PDE4D: variants seen among roughly 807,000 people sequenced by gnomAD.
PDE4D encodes phosphodiesterase 4D, also known as 3',5'-cyclic-AMP phosphodiesterase 4D.
In PDE4D, 24 loss-of-function variants were observed where a neutral mutation model predicts 87.4. The ratio of observed to expected loss-of-function variants is 0.27; its 90% CI spans 0.20 to 0.39. The LOEUF is 0.39. Ranked by LOEUF, PDE4D falls within the 10% of genes least tolerant of loss-of-function variation. The pLI, the probability that PDE4D is intolerant of heterozygous loss-of-function variation, is 1.00. For synonymous variants in PDE4D, 384 were observed against 383.2 expected (o/e 1.00, Z -0.02); for missense variants, 714 against 1,041.0 (o/e 0.69, Z 4.32).
chr5:59,737,998 TA>T (rs1758316247), intron 1 of PDE4D, among the ~76,000 whole-genome samples: 1 of 152,170 alleles, frequency 6.6e-6, no homozygotes, highest in African/African-American at 2.4e-5. Flanking sequence ...TATCAGTTCG[TA>T]TTATACATTA....
At chr5:59,494,837 A>G (rs2153661825) in intron 1 of PDE4D, among the ~76,000 whole-genome samples, 1 of 152,322 alleles carries the variant, frequency 6.6e-6, no homozygotes, top group East Asian at 1.9e-4. Flanking sequence ...GGTGCGGACT[A>G]CAAGCTGAGC....
chr5:59,133,539 A>G (rs1361658627), intron 5 of PDE4D, among the ~76,000 whole-genome samples: 1 of 152,130 alleles, frequency 6.6e-6, no homozygotes, highest in African/African-American at 2.4e-5. Context: ...AATTTAATAA[A>G]TCTCTTGTCT....
chr5:59,707,335 T>C (rs1044907295), intron 1 of PDE4D, among the ~76,000 whole-genome samples: 2 of 152,066 alleles, frequency 1.3e-5, no homozygotes, highest in African/African-American at 4.8e-5. Context: ...CTGAGGGGAA[T>C]AAAAAATGAG....
intron 1 of PDE4D, among the ~76,000 whole-genome samples, chr5:60,288,523 C>T (rs1752616234): frequency 6.6e-6 from 1 of 152,180 alleles, no homozygotes; most frequent in Admixed American, 6.5e-5. Flanking sequence ...GCTTTTAGCT[C>T]ACTGCTGGGC....
intron 1 of PDE4D, among the ~76,000 whole-genome samples, chr5:59,644,083 G>C (rs1742056582): frequency 6.6e-6 from 1 of 152,200 alleles, no homozygotes; most frequent in African/African-American, 2.4e-5. Flanking sequence ...TATTCTTCCA[G>C]TAGGACATTT....
chr5:60,384,667 T>C (rs1178466344), intron 1 of PDE4D, among the ~76,000 whole-genome samples: 3 of 152,120 alleles, frequency 2.0e-5, no homozygotes, highest in Admixed American at 6.5e-5. Flanking sequence ...TAAAGGTTGG[T>C]ACTCCCAGAA....
chr5:60,447,045 T>C (rs1320487134), intron 1 of PDE4D, among the ~76,000 whole-genome samples: 1 of 152,120 alleles, frequency 6.6e-6, no homozygotes, highest in Non-Finnish European at 1.5e-5. Context: ...CTGATGGCAA[T>C]GTGGTGATTG....
intron 1 of PDE4D, among the ~76,000 whole-genome samples, chr5:59,714,239 C>T (rs298100): frequency 0.67 from 101,299 of 152,136 alleles, 34,703 homozygotes; most frequent in East Asian, 0.83. Flanking sequence ...ATGAAGTACT[C>T]TTAACTTTGT....
At chr5:59,646,011 C>T (rs1179525460) in intron 1 of PDE4D, among the ~76,000 whole-genome samples, 1 of 151,980 alleles carries the variant, frequency 6.6e-6, no homozygotes, top group Non-Finnish European at 1.5e-5. Context: ...GAATAAGCAA[C>T]CAAAACTACA....
rs532869371 is a variant in PDE4D, at chr5:60,018,002, G to A, written c.43-29285C>T. On this transcript the variant is annotated intron_variant, in intron 2 of 16. Transcript: ENST00000502484. ...ATAATCGCAATTCTGACCGGCATGA[G>A]ATGGTATCTCATTGTGGTTTTGATT... Among the ~76,000 whole-genome samples, 11 of 152,228 alleles carry A rather than the reference G, an allele frequency of 7.2e-5. No individual in the cohort carries two copies. The South Asian group carries it at 2.3e-3, about 32-fold the overall frequency.
chr5:60,149,354 G>A lies in PDE4D; in HGVS notation c.42+36203C>T, dbSNP rs542771692. 4.5e-4 allele frequency among the ~76,000 whole-genome samples: 68 copies of A among 152,242 alleles called. No homozygotes were observed. The Middle Eastern group carries it at 0.014, about 30-fold the overall frequency. On this transcript the variant is annotated intron_variant, in intron 2 of 16. Coordinates refer to the PDE4D transcript ENST00000502484. ...AGAGAGAGCTTGCTTTTATGCCAAA[G>A]CCACTCTTGCAATAGCTAACCCACT... is the stretch of plus-strand genomic sequence containing the variant.
intron 1 of PDE4D, among the ~76,000 whole-genome samples, chr5:60,481,414 T>C (rs913583531): frequency 3.9e-5 from 6 of 152,002 alleles, no homozygotes; most frequent in African/African-American, 1.4e-4. Flanking sequence ...AAGTTCAGAG[T>C]GGAGAAAAAT....
chr5:60,414,362 A>T (rs1742306116), intron 1 of PDE4D, among the ~76,000 whole-genome samples: 1 of 152,234 alleles, frequency 6.6e-6, no homozygotes, highest in African/African-American at 2.4e-5. Flanking sequence ...AACTCTATTA[A>T]GATTTTTTAT....
At chr5:60,156,405 G>C (rs1476164650) in intron 2 of PDE4D, among the ~76,000 whole-genome samples, 1 of 152,098 alleles carries the variant, frequency 6.6e-6, no homozygotes, top group Non-Finnish European at 1.5e-5. Flanking sequence ...CCTAGAGTGA[G>C]CTTTCCTCCA....
At chr5:60,450,941 T>C (rs759401142) in intron 1 of PDE4D, among the ~76,000 whole-genome samples, 1 of 152,166 alleles carries the variant, frequency 6.6e-6, no homozygotes, top group Non-Finnish European at 1.5e-5. Flanking sequence ...CGCCTACATA[T>C]AAATGACAAA....
intron 1 of PDE4D, among the ~76,000 whole-genome samples, chr5:59,813,045 T>C (rs1768545737): frequency 6.6e-6 from 1 of 151,560 alleles, no homozygotes; most frequent in Non-Finnish European, 1.5e-5. Flanking sequence ...TGCTGTAATA[T>C]TTTTTCTCAT....
At chr5:60,314,059 C>A (rs1464230322) in intron 1 of PDE4D, among the ~76,000 whole-genome samples, 1 of 152,126 alleles carries the variant, frequency 6.6e-6, no homozygotes, top group Non-Finnish European at 1.5e-5. Flanking sequence ...CACTACTACT[C>A]TATTCAACAC....
intron 1 of PDE4D, among the ~76,000 whole-genome samples, chr5:60,235,371 T>C (rs142076059): frequency 5.1e-4 from 77 of 152,052 alleles, no homozygotes; most frequent in African/African-American, 1.8e-3. Context: ...ATATCTTCTA[T>C]AGTATAATGA....
chr5:59,048,313 G>A (rs1024198139), intron 5 of PDE4D, among the ~76,000 whole-genome samples: 4 of 152,240 alleles, frequency 2.6e-5, no homozygotes, highest in Non-Finnish European at 5.9e-5. Flanking sequence ...TGGGGGGACT[G>A]TAGGAGAGCA....
Sources: allele counts gnomAD v4.1 joint callset (sites outside exome capture counted in the v4.1 genomes callset), GRCh38; gene constraint gnomAD v4.1.1; transcripts MANE v1.5; gene names NCBI Gene and HGNC (gene_info 2026-07-23, HGNC 2026-07-21).